The following BLMH variants were observed in gnomAD, a reference collection of about 807,000 sequenced individuals.
The protein encoded by BLMH is BLM hydrolase.
BLMH carries 32 observed loss-of-function variants against 61.6 expected under a neutral mutation model. That is an observed-to-expected ratio of 0.52 (90% CI 0.39 to 0.70). The LOEUF (loss-of-function observed/expected upper bound fraction) is 0.70. BLMH is among the 30% of genes least tolerant of loss of function. BLMH has a pLI of 0.00. For synonymous variants in BLMH, 183 were observed against 193.8 expected (o/e 0.94, Z 0.46); for missense variants, 460 against 555.5 (o/e 0.83, Z 1.73).
intron 9 of BLMH, among the ~76,000 whole-genome samples, chr17:30,272,057 G>C (rs1908288362): frequency 6.6e-6 from 1 of 152,084 alleles, no homozygotes; most frequent in South Asian, 2.1e-4. Flanking sequence ...CCCTAAAATA[G>C]AGAATGGTGA....
At chr17:30,251,513 A>G (rs190737331) in intron 11 of BLMH, among the ~76,000 whole-genome samples, 7 of 152,396 alleles carry the variant, frequency 4.6e-5, no homozygotes, top group African/African-American at 1.7e-4. Context: ...ATCTGACCGT[A>G]TCTGCTACTT....
At position 30,291,190 on chromosome 17, in the gene BLMH, T is replaced by C. The variant is rs989368609; in HGVS notation, c.211+121A>G. 10 of 1,273,610 alleles carry C rather than the reference T, an allele frequency of 7.9e-6. No homozygotes were observed. In the Admixed American group the frequency reaches 2.1e-4, roughly 27 times the overall value. 78.9% of individuals were successfully genotyped at this position (1,273,610 alleles called of 1,614,324 possible). ...TAGACCTGCCTGTACCTGTGCCTCATTCTTTACGAATTTACGACCAGTTCT... is the reference window on the plus strand; with the variant it reads ...TAGACCTGCCTGTACCTGTGCCTCACTCTTTACGAATTTACGACCAGTTCT... On this transcript the variant is annotated intron_variant, in intron 2 of 11. Coordinates refer to ENST00000261714, the MANE Select transcript of BLMH (RefSeq NM_000386.4).
chr17:30,248,358 C>G lies in BLMH; in HGVS notation c.*659G>C, dbSNP rs1170330383. The G allele has an allele frequency of 6.6e-6, 1 of 152,394 alleles. No homozygotes were observed. Among genetic ancestry groups the G allele is most frequent in the African/African-American group, 2.4e-5 (1 of 41,364 alleles). The allele number at this position is 152,394 out of a possible 1,614,324, so 9.4% of individuals were successfully genotyped here. A position where few individuals can be genotyped will look rare whatever the true frequency, so the allele number is the denominator to read the frequency against. On this transcript the variant is annotated 3_prime_UTR_variant, in exon 12 of 12. Coordinates refer to ENST00000261714, the MANE Select transcript of BLMH (RefSeq NM_000386.4). ...TTCCCCCTAATGATTATGACTGAGA[C>G]CATGATAAGATTTTGGTTGTTCTCA...
chr17:30,286,719 A>G, intron 5 of BLMH, 95 bp downstream of exon 5: 1 of 821,982 alleles, frequency 1.2e-6, no homozygotes, highest in Non-Finnish European at 2.0e-6. Flanking sequence ...TCTTGTACAC[A>G]AACTGTATAC....
chr17:30,285,409 T>C lies in BLMH; in HGVS notation c.624A>G (p.Thr208=), dbSNP rs1186934229. 7 of 1,612,106 alleles carry C rather than the reference T, an allele frequency of 4.3e-6. No homozygotes were observed. The South Asian group carries it at 6.6e-5, about 15-fold the overall frequency. ...TTACCTCCTCCATCATGACGTCCTG[T>C]GTGGCCGAGATTTCTCCTTTGGTTG... The part of the protein sequence containing the change: ...SGATKGEISA[T]QDVMMEEIFR... The change falls in exon 6 of 12, where the codon ACA becomes ACG. Residue 208 remains threonine (T), a synonymous_variant. Coordinates refer to ENST00000261714, the MANE Select transcript of BLMH (RefSeq NM_000386.4).
At chr17:30,251,878 C>G (rs1907675556) in intron 11 of BLMH, among the ~76,000 whole-genome samples, 2 of 151,524 alleles carry the variant, frequency 1.3e-5, no homozygotes, top group African/African-American at 4.9e-5. Flanking sequence ...GAAACTAAAA[C>G]AGAAAGTTAA....
chr17:30,268,945 CAGG>C (rs1168843349), intron 10 of BLMH, among the ~76,000 whole-genome samples: 1 of 149,080 alleles, frequency 6.7e-6, no homozygotes, highest in African/African-American at 2.5e-5. Context: ...GAGGCTGAGG[CAGG>C]AGAATAGCTT....
chr17:30,265,064 C>T (rs1908062387), intron 11 of BLMH, among the ~76,000 whole-genome samples: 1 of 152,160 alleles, frequency 6.6e-6, no homozygotes. Context: ...CCTAAAATCA[C>T]AGAACAATTA....
chr17:30,271,795 A>G (rs998086641), intron 9 of BLMH, among the ~76,000 whole-genome samples: 6 of 152,256 alleles, frequency 3.9e-5, no homozygotes, highest in Non-Finnish European at 8.8e-5. Flanking sequence ...AAATTTAAAT[A>G]AATAATGTCC....
intron 11 of BLMH, chr17:30,250,272 TAGC>T (rs1313788042): frequency 6.6e-6 from 1 of 152,086 alleles, no homozygotes; most frequent in Non-Finnish European, 1.5e-5. Context: ...GCAAGAGAAA[TAGC>T]AGTGTAAACA....
At chr17:30,288,942 G>A (rs758394507) in intron 3 of BLMH, among the ~76,000 whole-genome samples, 1 of 152,090 alleles carries the variant, frequency 6.6e-6, no homozygotes, top group Non-Finnish European at 1.5e-5. Flanking sequence ...CCTCTAGCCC[G>A]GGTGGCAGGG....
In BLMH at chr17:30,248,953, C is replaced by T. The variant is rs942627818; in HGVS notation, c.*64G>A. On this transcript the variant is annotated 3_prime_UTR_variant, in exon 12 of 12. Coordinates refer to ENST00000261714, the MANE Select transcript of BLMH (RefSeq NM_000386.4). ...CCCTTGCATAACTTTGGCTTCAGTCCCTGGATCTGTCCTTTGCAGCTACGT... is the reference window on the plus strand; with the variant it reads ...CCCTTGCATAACTTTGGCTTCAGTCTCTGGATCTGTCCTTTGCAGCTACGT... The T allele has an allele frequency of 1.5e-5, 24 of 1,588,092 alleles. No homozygotes were observed. The Admixed American group carries it at 2.1e-4, about 14-fold the overall frequency.
At position 30,286,928 on chromosome 17, in the gene BLMH, A is replaced by C. The variant is rs369596102; in HGVS notation, c.464-26T>G. 3.7e-5 allele frequency: 53 copies of C among 1,446,932 alleles called. No individual in the cohort carries two copies. In the Admixed American group the frequency reaches 4.2e-4, roughly 11 times the overall value. 89.6% of individuals were successfully genotyped at this position (1,446,932 alleles called of 1,614,324 possible). ...CTAAAAGAAAACAAATTCTAGTGTT[A>C]AAGAAGGTAAAAAATTAGAAACCCT... On this transcript the variant is annotated intron_variant, in intron 4 of 11. Transcript: ENST00000261714.
intron 6 of BLMH, among the ~76,000 whole-genome samples, chr17:30,280,517 C>T (rs751834491): frequency 6.6e-6 from 1 of 152,128 alleles, no homozygotes; most frequent in Non-Finnish European, 1.5e-5. Flanking sequence ...CCCTCTGTCA[C>T]CCAGGCTGGA....
intron 11 of BLMH, among the ~76,000 whole-genome samples, chr17:30,256,415 G>A (rs1907816833): frequency 6.6e-6 from 1 of 152,164 alleles, no homozygotes; most frequent in Non-Finnish European, 1.5e-5. Flanking sequence ...TGCAACCTCT[G>A]CCTCCCGGGT....
intron 6 of BLMH, among the ~76,000 whole-genome samples, chr17:30,284,473 T>C (rs1459154995): frequency 6.6e-6 from 1 of 152,226 alleles, no homozygotes; most frequent in African/African-American, 2.4e-5. Context: ...TTTAACTCCA[T>C]ACAGTCTTGA....
At position 30,289,519 on chromosome 17, in the gene BLMH, T is replaced by G. The variant is rs372929274; in HGVS notation, c.212-37A>C. ...AAGCACATCAAGAAATTATGAGGGT[T>G]CACATAGACTGCACTGCTCCAACTG... On this transcript the variant is annotated intron_variant, in intron 2 of 11. Coordinates refer to ENST00000261714, the MANE Select transcript of BLMH (RefSeq NM_000386.4). 33 of 1,447,186 alleles carry G rather than the reference T, an allele frequency of 2.3e-5. No individual in the cohort carries two copies. In the African/African-American group the frequency reaches 4.4e-4, roughly 19 times the overall value. The allele number at this position is 1,447,186 out of a possible 1,614,324, so 89.6% of individuals were successfully genotyped here. A position where few individuals can be genotyped will look rare whatever the true frequency, so the allele number is the denominator to read the frequency against.
intron 11 of BLMH, among the ~76,000 whole-genome samples, chr17:30,265,529 TTC>T (rs1186345527): frequency 6.6e-6 from 1 of 152,168 alleles, no homozygotes; most frequent in Non-Finnish European, 1.5e-5. Flanking sequence ...TTGCTAAAAT[TTC>T]TTTTTCTTTC....
At chr17:30,272,196 C>A in intron 9 of BLMH, 1 of 239,266 alleles carries the variant, frequency 4.2e-6, no homozygotes. Flanking sequence ...ACAAAGTTAC[C>A]AAAGTAACAT....
Sources: gnomAD v4.1 joint callset for allele counts (sites outside exome capture counted in the v4.1 genomes callset) on GRCh38, gnomAD v4.1.1 for gene constraint, MANE v1.5 for transcripts, NCBI Gene and HGNC (gene_info 2026-07-23, HGNC 2026-07-21) for gene names.